The following EXOC3L2 variants were observed in gnomAD, a reference collection of about 807,000 sequenced individuals.
The protein encoded by EXOC3L2 is exocyst complex component 3 like 2.
Under a neutral mutation model 44.4 loss-of-function variants are expected in EXOC3L2, and 17 were observed. The observed-to-expected ratio is 0.38, with a 90% CI of 0.26 to 0.57. The LOEUF (loss-of-function observed/expected upper bound fraction) is 0.57. Ranked by LOEUF, EXOC3L2 falls within the 20% of genes least tolerant of loss-of-function variation. EXOC3L2 has a pLI of 0.65. For missense variants in EXOC3L2, 541 were observed against 588.4 expected (o/e 0.92, Z 0.83); for synonymous variants, 256 against 253.7 (o/e 1.01, Z -0.09).
At chr19:45,230,617 G>C (rs1226118388) in intron 4 of EXOC3L2, among the ~76,000 whole-genome samples, 2 of 152,102 alleles carry the variant, frequency 1.3e-5, no homozygotes, top group Non-Finnish European at 2.9e-5. Flanking sequence ...CCAAAGTGCT[G>C]GGATTACAGG....
intron 2 of EXOC3L2, among the ~76,000 whole-genome samples, chr19:45,236,946 A>C (rs890830476): frequency 1.3e-5 from 2 of 151,530 alleles, no homozygotes; most frequent in African/African-American, 4.8e-5. Flanking sequence ...CGGAGGTTGC[A>C]GTGAGCTGAG....
In EXOC3L2 at chr19:45,216,143, T is replaced by C; in HGVS notation, c.2050A>G (p.Met684Val). The change falls in exon 11 of 12, where the codon ATG becomes GTG. Residue 684 changes from methionine to valine, a missense_variant. Coordinates refer to ENST00000413988, the MANE Select transcript of EXOC3L2 (RefSeq NM_001382422.1). ...DAVVPHLAEVMQLEDTPSIQV... is the reference protein window; with the variant it reads ...DAVVPHLAEVVQLEDTPSIQV... Reference sequence around the variant, plus strand: ...ATGCTGGGCGTGTCTTCCAGCTGCATGACTTCAGCCAAATGGGGCACCACG... The same window carrying C: ...ATGCTGGGCGTGTCTTCCAGCTGCACGACTTCAGCCAAATGGGGCACCACG... The C allele has an allele frequency of 6.2e-7, 1 of 1,613,900 alleles. No homozygotes were observed. Among genetic ancestry groups the C allele is most frequent in the Non-Finnish European group, 8.5e-7 (1 of 1,179,940 alleles).
rs1313806540 is a variant in EXOC3L2, at chr19:45,217,672, G to A, written c.1854C>T (p.Ala618=). The part of the protein sequence containing the change: ...MQDEPYQALV[A]ELHRRALVEY... ...CGACCAGCGCCCGCCGGTGTAGCTC[G>A]GCTACCAGCGCCTGGAGGCGGAGGA... The change falls in exon 10 of 12, where the codon GCC becomes GCT. Residue 618 remains alanine (A), a synonymous_variant. Coordinates refer to ENST00000413988, the MANE Select transcript of EXOC3L2 (RefSeq NM_001382422.1). The A allele has an allele frequency of 3.6e-6, 5 of 1,403,652 alleles. No homozygotes were observed. The East Asian group carries it at 1.2e-4, about 32-fold the overall frequency. The allele number at this position is 1,403,652 out of a possible 1,614,324, so 86.9% of individuals were successfully genotyped here. A position where few individuals can be genotyped will look rare whatever the true frequency, so the allele number is the denominator to read the frequency against.
At chr19:45,214,095 TC>T (rs1440843014) in intron 11 of EXOC3L2, among the ~76,000 whole-genome samples, 1 of 152,104 alleles carries the variant, frequency 6.6e-6, no homozygotes, top group Non-Finnish European at 1.5e-5. Context: ...AAGTTCTGAC[TC>T]ATGATCCAAT....
intron 8 of EXOC3L2, among the ~76,000 whole-genome samples, chr19:45,218,695 A>G (rs1009443608): frequency 6.6e-6 from 1 of 152,092 alleles, no homozygotes; most frequent in Non-Finnish European, 1.5e-5. Flanking sequence ...GAGTGGCTCA[A>G]TGGGAGAAAA....
chr19:45,229,836 A>C (rs1970010735), intron 4 of EXOC3L2, among the ~76,000 whole-genome samples: 1 of 119,076 alleles, frequency 8.4e-6, no homozygotes. Flanking sequence ...CAAGAGTGAA[A>C]CTCCGTCTCA....
intron 7 of EXOC3L2, among the ~76,000 whole-genome samples, chr19:45,226,747 C>CT (rs957385712): frequency 0.027 from 2,429 of 90,610 alleles, 99 homozygotes; most frequent in Non-Finnish European, 0.032. Context: ...ACTCCCATCT[C>CT]TTTTTTTTTT....
In EXOC3L2 at chr19:45,213,301, C is replaced by T. The variant is rs773805836; in HGVS notation, c.2177G>A (p.Arg726His). The T allele has an allele frequency of 1.3e-5, 21 of 1,613,576 alleles. No individual in the cohort carries two copies. Among genetic ancestry groups the T allele is most frequent in the East Asian group, 1.1e-4 (5 of 44,852 alleles). The change falls in exon 12 of 12, where the codon CGC becomes CAC. Residue 726 changes from arginine (R) to histidine (H), a missense_variant. Physicochemically the swap from Arg to His is conservative, Grantham distance 29. Coordinates refer to ENST00000413988, the MANE Select transcript of EXOC3L2 (RefSeq NM_001382422.1). ...CCGGGCCACGGCCAGGATCTCCTGG[C>T]GGGCGGCTGTGTTGCGCAGGCCACG... ...DIRGLRNTAA[R>H]QEILAVARDL...
At position 45,227,988 on chromosome 19, in the gene EXOC3L2, T is replaced by C. The variant is rs1352516587; in HGVS notation, c.1458A>G (p.Ala486=). The change falls in exon 6 of 12, where the codon GCA becomes GCG. Residue 486 remains alanine (A), a synonymous_variant. Coordinates refer to ENST00000413988, the MANE Select transcript of EXOC3L2 (RefSeq NM_001382422.1). ...RMAHCCLGGL[A]EFLQSFQQRV... ...GGTTCCCCTACCTCTGCAGGAACTC[T>C]GCCAGCCCGCCTAGGCAGCAGTGGG... 1.2e-6 allele frequency: 2 copies of C among 1,613,612 alleles called. No individual in the cohort carries two copies. The highest frequency in any genetic ancestry group is 2.2e-5 in the South Asian group (2 of 91,076).
chr19:45,239,934 A>G (rs1970117318), intron 1 of EXOC3L2, among the ~76,000 whole-genome samples: 1 of 151,516 alleles, frequency 6.6e-6, no homozygotes, highest in Admixed American at 6.6e-5. Context: ...TGATATGGGG[A>G]CTCAGGCCCT....
rs377481666 is a variant in EXOC3L2, at chr19:45,228,245, G to C, written c.1291C>G (p.Leu431Val). The C allele has an allele frequency of 1.1e-4, 185 of 1,613,974 alleles. No homozygotes were observed. Among genetic ancestry groups the C allele is most frequent in the Non-Finnish European group, 1.3e-4 (157 of 1,180,028 alleles). ...DVKAQTRAAL[L>V]RVLQEDEEHW... ...TCTTCGTCCTCCTGCAGCACACGGA[G>C]AAGGGCAGCCCGGGTCTGAGCCTAC... The change falls in exon 5 of 12, where the codon CTC becomes GTC. Residue 431 changes from leucine to valine, a missense_variant. By Grantham distance (32) the Leu-to-Val change is conservative (BLOSUM62 1). Transcript: ENST00000413988.
intron 1 of EXOC3L2, among the ~76,000 whole-genome samples, chr19:45,244,339 T>A (rs910795899): frequency 2.6e-5 from 4 of 152,008 alleles, no homozygotes; most frequent in African/African-American, 9.7e-5. Flanking sequence ...AGGCTCGAAT[T>A]TCCCTCCAAT....
chr19:45,216,864 C>T (rs1969840738), intron 10 of EXOC3L2: 1 of 152,120 alleles, frequency 6.6e-6, no homozygotes, highest in Non-Finnish European at 1.5e-5. Context: ...GGACTCCGGG[C>T]TTGGAACTCC....
intron 1 of EXOC3L2, among the ~76,000 whole-genome samples, chr19:45,243,693 G>A (rs1039108155): frequency 1.3e-5 from 2 of 152,154 alleles, no homozygotes; most frequent in African/African-American, 2.4e-5. Flanking sequence ...GCAATGGCGC[G>A]ATTTCAGCTC....
chr19:45,222,274 A>G (rs1969906640), intron 8 of EXOC3L2, among the ~76,000 whole-genome samples: 1 of 142,778 alleles, frequency 7.0e-6, no homozygotes, highest in South Asian at 2.2e-4. Context: ...ATCTCATTTC[A>G]TTGCAACCTC....
At chr19:45,245,133 C>G (rs939135897) in intron 1 of EXOC3L2, among the ~76,000 whole-genome samples, 9 of 152,004 alleles carry the variant, frequency 5.9e-5, no homozygotes, top group Admixed American at 5.2e-4. Context: ...AAATTCTCCC[C>G]TGCACCCTCC....
chr19:45,230,594 C>A (rs1355157958), intron 4 of EXOC3L2, among the ~76,000 whole-genome samples: 3 of 152,286 alleles, frequency 2.0e-5, no homozygotes, highest in Non-Finnish European at 1.5e-5. Context: ...AGAAATCCTC[C>A]CACCTCAGCC....
chr19:45,220,823 T>C (rs1568480380), intron 8 of EXOC3L2, among the ~76,000 whole-genome samples: 1 of 146,166 alleles, frequency 6.8e-6, no homozygotes, highest in East Asian at 2.0e-4. Context: ...GAGACGAGAC[T>C]GAGGTAGAAA....
In EXOC3L2 at chr19:45,223,531, C is replaced by T. The variant is rs1482760237; in HGVS notation, c.1719+1247G>A. 3.3e-5 allele frequency among the ~76,000 whole-genome samples: 5 copies of T among 151,388 alleles called. No homozygotes were observed. In the East Asian group the frequency reaches 1.0e-3, roughly 31 times the overall value. ...CTAATTTTTGTAATTTTAGTAGAGA[C>T]GGGGTTTTGCCATATTGGCCAGGCT... is the stretch of plus-strand genomic sequence containing the variant. On this transcript the variant is annotated intron_variant, in intron 8 of 11. Coordinates refer to ENST00000413988, the MANE Select transcript of EXOC3L2 (RefSeq NM_001382422.1).
Sources: allele counts gnomAD v4.1 joint callset (sites outside exome capture counted in the v4.1 genomes callset), GRCh38; gene constraint gnomAD v4.1.1; transcripts MANE v1.5; gene names NCBI Gene and HGNC (gene_info 2026-07-23, HGNC 2026-07-21).